The following SH3GL3 variants were observed in gnomAD, a reference collection of about 807,000 sequenced individuals.
SH3GL3 encodes the protein endophilin-A3.
Under a neutral mutation model 47.7 loss-of-function variants are expected in SH3GL3, and 33 were observed. That is an observed-to-expected ratio of 0.69 (90% CI 0.52 to 0.92). SH3GL3 has a LOEUF of 0.92. Among genes scored for constraint, SH3GL3 ranks in the 40% least tolerant of loss-of-function variants. The pLI, the probability that SH3GL3 is intolerant of heterozygous loss-of-function variation, is 0.00. For missense variants in SH3GL3, 363 were observed against 417.8 expected (o/e 0.87, Z 1.14); for synonymous variants, 155 against 148.8 (o/e 1.04, Z -0.30).
At chr15:83,568,723 T>C in intron 4 of SH3GL3, 51 bp downstream of exon 4, 2 of 1,429,680 alleles carry the variant, frequency 1.4e-6, no homozygotes, top group Admixed American at 1.7e-5. Flanking sequence ...TCCAGTATGG[T>C]TTTAGGTTAT....
downstream of SH3GL3, among the ~76,000 whole-genome samples, chr15:83,620,548 A>G (rs1012434921): frequency 6.6e-6 from 1 of 152,214 alleles, no homozygotes; most frequent in Non-Finnish European, 1.5e-5. Flanking sequence ...GTTAGCAGAG[A>G]TATTGTGAAA....
intron 8 of SH3GL3, among the ~76,000 whole-genome samples, chr15:83,611,876 T>G (rs1169610768): frequency 6.7e-6 from 1 of 150,276 alleles, no homozygotes; most frequent in African/African-American, 2.4e-5. Context: ...GACTTTTGTG[T>G]CAAGGGAAAA....
chr15:83,531,046 G>A (rs2043646761), intron 1 of SH3GL3, among the ~76,000 whole-genome samples: 1 of 152,188 alleles, frequency 6.6e-6, no homozygotes, highest in Non-Finnish European at 1.5e-5. Context: ...GGAGAAAAGT[G>A]TCAGTACTAG....
At chr15:83,633,615 C>T in the SH3GL3 span, among the ~76,000 whole-genome samples, 51 of 152,266 alleles carry the variant, frequency 3.3e-4, no homozygotes, top group African/African-American at 1.2e-3. Flanking sequence ...ACTGCAAAGG[C>T]GCCAGTTCAA....
intron 1 of SH3GL3, among the ~76,000 whole-genome samples, chr15:83,497,264 C>A (rs1182196930): frequency 6.6e-6 from 1 of 152,136 alleles, no homozygotes; most frequent in Non-Finnish European, 1.5e-5. Flanking sequence ...CTTCTTGCCC[C>A]TTGTCTTCAC....
intron 1 of SH3GL3, among the ~76,000 whole-genome samples, chr15:83,493,928 C>A (rs1243028543): frequency 6.6e-6 from 1 of 152,202 alleles, no homozygotes; most frequent in Non-Finnish European, 1.5e-5. Context: ...TGGGCAGCCA[C>A]TGGGAGAGGA....
At position 83,582,996 on chromosome 15, in the gene SH3GL3, TTCCACAGCTTCTCTGAGGAATCCAAA is replaced by T. The variant is rs1245928522; in HGVS notation, c.625-3986_625-3961del. 3.3e-5 allele frequency among the ~76,000 whole-genome samples: 5 copies of T among 152,358 alleles called. No homozygotes were observed. In the East Asian group the frequency reaches 9.6e-4, roughly 29 times the overall value. On this transcript the variant is annotated intron_variant, in intron 6 of 8. Coordinates refer to ENST00000427482, the MANE Select transcript of SH3GL3 (RefSeq NM_003027.5). ...CAGACTGCAAAATACATGAGAAATT[TTCCACAGCTTCTCTGAGGAATCCAAA>T]AAGAGTAGAGGTCTTTGATATGATA...
chr15:83,508,357 G>A (rs1205381355), intron 1 of SH3GL3, among the ~76,000 whole-genome samples: 2 of 152,056 alleles, frequency 1.3e-5, no homozygotes, highest in African/African-American at 4.8e-5. Context: ...AGCATGCTTG[G>A]CAGAGGGGAA....
At chr15:83,520,438 G>T (rs2043159146) in intron 1 of SH3GL3, among the ~76,000 whole-genome samples, 1 of 152,208 alleles carries the variant, frequency 6.6e-6, no homozygotes, top group South Asian at 2.1e-4. Context: ...TTTGCGTGTG[G>T]TGAGAGGTAA....
chr15:83,569,238 C>A (rs1037536677), intron 4 of SH3GL3, among the ~76,000 whole-genome samples: 3 of 152,146 alleles, frequency 2.0e-5, no homozygotes, highest in African/African-American at 7.2e-5. Flanking sequence ...TATATGTATT[C>A]ATATGTACTT....
intron 1 of SH3GL3, among the ~76,000 whole-genome samples, chr15:83,465,033 A>G (rs1293293867): frequency 1.3e-5 from 2 of 149,940 alleles, no homozygotes; most frequent in African/African-American, 4.9e-5. Context: ...TAACAGCAAT[A>G]AAAACAGCTC....
At position 83,515,340 on chromosome 15, in the gene SH3GL3, T is replaced by C. The variant is rs149062081; in HGVS notation, c.46-43913T>C. 1.2e-4 allele frequency among the ~76,000 whole-genome samples: 19 copies of C among 152,316 alleles called. No individual in the cohort carries two copies. In the East Asian group the frequency reaches 3.7e-3, roughly 29 times the overall value. Reference sequence around the variant, plus strand: ...CTTTGCTTAATTGCCTGTGTCTTATTTTGTTCTCCAGCTTTGATCACATGT... The same window carrying C: ...CTTTGCTTAATTGCCTGTGTCTTATCTTGTTCTCCAGCTTTGATCACATGT... On this transcript the variant is annotated intron_variant, in intron 1 of 8. Coordinates refer to ENST00000427482, the MANE Select transcript of SH3GL3 (RefSeq NM_003027.5).
rs532299415 is a variant in SH3GL3, at chr15:83,477,476, A to G, written c.45+29898A>G. On this transcript the variant is annotated intron_variant, in intron 1 of 8. Transcript: ENST00000427482. Reference sequence around the variant, plus strand: ...TTCTCTCACATGACTTAATCAAATAAGTATGTAGATTATAATTTGTGAGCT... The same window carrying G: ...TTCTCTCACATGACTTAATCAAATAGGTATGTAGATTATAATTTGTGAGCT... Among the ~76,000 whole-genome samples, 11 of 152,246 alleles carry G rather than the reference A, an allele frequency of 7.2e-5. No individual in the cohort carries two copies. In the East Asian group the frequency reaches 2.1e-3, roughly 29 times the overall value.
chr15:83,543,944 G>T (rs1228259505), intron 1 of SH3GL3, among the ~76,000 whole-genome samples: 1 of 150,110 alleles, frequency 6.7e-6, no homozygotes, highest in Non-Finnish European at 1.5e-5. Context: ...AATTTTGTTC[G>T]TCTTTTCAAA....
rs1481529239 is a variant in SH3GL3, at chr15:83,618,183, T to A, written c.940T>A (p.Leu314Ile). ...LGFKEGDIIT[L>I]TNQIDENWYE... ...ATTTAAAGAAGGGGACATCATTACA[T>A]TAACCAATCAAATAGATGAAAACTG... Residue 314 changes from leucine to isoleucine, a missense_variant, in exon 9 of 9, where the codon TTA becomes ATA. By Grantham distance (5) the Leu-to-Ile change is conservative. Coordinates refer to ENST00000427482, the MANE Select transcript of SH3GL3 (RefSeq NM_003027.5). 1 of 1,610,036 alleles carries A rather than the reference T, an allele frequency of 6.2e-7. No individual in the cohort carries two copies. The highest frequency in any genetic ancestry group is 8.5e-7 in the Non-Finnish European group (1 of 1,176,342).
intron 6 of SH3GL3, among the ~76,000 whole-genome samples, chr15:83,579,988 G>A (rs1355067213): frequency 1.3e-5 from 2 of 152,212 alleles, no homozygotes; most frequent in Non-Finnish European, 2.9e-5. Context: ...GGGATAAACA[G>A]AGAATGTGAC....
chr15:83,621,521 C>CA (rs1019517881), downstream of SH3GL3, among the ~76,000 whole-genome samples: 1 of 151,952 alleles, frequency 6.6e-6, no homozygotes, highest in Non-Finnish European at 1.5e-5. Context: ...TGTGGTGCCC[C>CA]AAAACAGTTA....
intron 1 of SH3GL3, among the ~76,000 whole-genome samples, chr15:83,515,558 C>T (rs533363143): frequency 3.9e-5 from 6 of 152,146 alleles, no homozygotes; most frequent in Non-Finnish European, 5.9e-5. Context: ...GGAGCTGATG[C>T]CTAGGCAGGT....
chr15:83,492,804 C>T (rs570423414), intron 1 of SH3GL3, among the ~76,000 whole-genome samples: 1 of 152,354 alleles, frequency 6.6e-6, no homozygotes, highest in South Asian at 2.1e-4. Flanking sequence ...CTTCATTTGC[C>T]CCCAGCAGTA....
Sources: allele counts gnomAD v4.1 joint callset (sites outside exome capture counted in the v4.1 genomes callset), GRCh38; gene constraint gnomAD v4.1.1; transcripts MANE v1.5; gene names NCBI Gene and HGNC (gene_info 2026-07-23, HGNC 2026-07-21).